Variants in TG observed in about 807,000 individuals in gnomAD.
TG encodes the protein thyroid hormones.
Under a neutral mutation model 324.7 loss-of-function variants are expected in TG, and 270 were observed. That is an observed-to-expected ratio of 0.83 (90% CI 0.75 to 0.92). The LOEUF is 0.92. TG is among the 40% of genes least tolerant of loss of function. The pLI, the probability that TG is intolerant of heterozygous loss-of-function variation, is 0.00. For synonymous variants in TG, 1,401 were observed against 1,327.0 expected, an observed-to-expected ratio of 1.06 and a Z score of -1.21; for missense variants, 3,591 against 3,456.4, an observed-to-expected ratio of 1.04 and a Z score of -0.98.
At chr8:133,053,305 C>T (rs961773117) in intron 41 of TG, among the ~76,000 whole-genome samples, 17 of 152,348 alleles carry the variant, frequency 1.1e-4, no homozygotes, top group East Asian at 3.9e-4. Flanking sequence ...TCCCCACCCC[C>T]GGCTGTGAGT....
rs1324402367 is a variant in TG, at chr8:133,050,316, G to T, written c.7239+20293G>T. ...TTACTATGTTGATTTATGCTCTGCA[G>T]TATAGCCAAAGATAGTTTCATATAT... On this transcript the variant is annotated intron_variant, in intron 41 of 47. Transcript: ENST00000220616. 6 of 362,396 alleles carry T rather than the reference G, an allele frequency of 1.7e-5. No individual in the cohort carries two copies. In the East Asian group the frequency reaches 3.2e-4, roughly 20 times the overall value. The allele number at this position is 362,396 out of a possible 1,614,324, so 22.4% of individuals were successfully genotyped here.
intron 37 of TG, among the ~76,000 whole-genome samples, chr8:133,016,343 C>T (rs1835025611): frequency 6.6e-6 from 1 of 152,182 alleles, no homozygotes; most frequent in Non-Finnish European, 1.5e-5. Flanking sequence ...GGATGTCTAA[C>T]AACAGCCCTT....
rs1815494109 is a variant in TG, at chr8:132,886,842, C to CAAA, written c.1471_1472insAAA (p.Gly490_Thr491insLys). The CAAA allele has an allele frequency of 1.2e-6, 2 of 1,614,142 alleles. No individual in the cohort carries two copies. Among genetic ancestry groups the CAAA allele is most frequent in the Non-Finnish European group, 1.7e-6 (2 of 1,180,036 alleles). ...AGTTTAACTTGTCTGGAGCCCTTGGCACAAGAGGCACATTTAACTTCAGTC... is the reference window on the plus strand; with the variant it reads ...AGTTTAACTTGTCTGGAGCCCTTGGCAAAACAAGAGGCACATTTAACTTCAGTC... On this transcript the variant is annotated inframe_insertion, in exon 9 of 48. Coordinates refer to ENST00000220616, the MANE Select transcript of TG (RefSeq NM_003235.5).
At chr8:133,062,317 C>T (rs1842479590) in intron 41 of TG, among the ~76,000 whole-genome samples, 1 of 152,214 alleles carries the variant, frequency 6.6e-6, no homozygotes, top group South Asian at 2.1e-4. Context: ...CACCTGCAGT[C>T]CAGGAGGGCA....
Position 132,878,710 on chromosome 8 carries a change from C to T in TG, c.639-3153C>T, listed in dbSNP as rs371365416. On this transcript the variant is annotated intron_variant, in intron 5 of 47. Transcript: ENST00000220616. The stretch of plus-strand genomic sequence containing the variant: ...CATTCTCTACCAGACTTGTACCTCC[C>T]TCGGTGACTACCAATATCTCAGTTT... Among the ~76,000 whole-genome samples, 31 of 152,318 alleles carry T rather than the reference C, an allele frequency of 2.0e-4. No individual in the cohort carries two copies. In the South Asian group the frequency reaches 5.8e-3, roughly 29 times the overall value.
chr8:132,891,738 C>A (rs1050620799), intron 10 of TG, among the ~76,000 whole-genome samples: 1 of 152,160 alleles, frequency 6.6e-6, no homozygotes, highest in African/African-American at 2.4e-5. Context: ...GTTTTTGCTT[C>A]GGACATTCAA....
chr8:132,938,993 A>G (rs1315386321), intron 25 of TG, among the ~76,000 whole-genome samples: 3 of 146,070 alleles, frequency 2.1e-5, no homozygotes, highest in African/African-American at 7.7e-5. Flanking sequence ...TGGAGCTTGC[A>G]GTGAGCCGAG....
chr8:133,058,158 T>C (rs772250432), intron 41 of TG, among the ~76,000 whole-genome samples: 1 of 152,186 alleles, frequency 6.6e-6, no homozygotes, highest in Non-Finnish European at 1.5e-5. Context: ...ACGGCATCAC[T>C]GCACCGCCTT....
intron 41 of TG, among the ~76,000 whole-genome samples, chr8:133,081,765 G>A (rs1189611182): frequency 6.6e-6 from 1 of 152,194 alleles, no homozygotes; most frequent in Non-Finnish European, 1.5e-5. Context: ...GAGGTCAGCA[G>A]TGTTCCCAGA....
At chr8:132,921,735 T>C (rs1247136916) in intron 21 of TG, among the ~76,000 whole-genome samples, 1 of 152,260 alleles carries the variant, frequency 6.6e-6, no homozygotes, top group Non-Finnish European at 1.5e-5. Flanking sequence ...GAGGTTCTGC[T>C]GATAACTCTT....
intron 26 of TG, among the ~76,000 whole-genome samples, chr8:132,944,243 C>G (rs562071753): frequency 6.6e-6 from 1 of 152,244 alleles, no homozygotes; most frequent in South Asian, 2.1e-4. Context: ...TATTCCATCC[C>G]TGTCACCTCA....
chr8:132,907,293 GC>G, intron 17 of TG, among the ~76,000 whole-genome samples: 1 of 152,222 alleles, frequency 6.6e-6, no homozygotes, highest in East Asian at 1.9e-4. Context: ...GAGTGACCCT[GC>G]CCCATCAGCC....
In TG at chr8:133,017,864, C is replaced by G; in HGVS notation, c.6649C>G (p.Gln2217Glu). 1 of 1,614,212 alleles carries G rather than the reference C, an allele frequency of 6.2e-7. No individual in the cohort carries two copies. The highest frequency in any genetic ancestry group is 8.5e-7 in the Non-Finnish European group (1 of 1,180,044). The change falls in exon 38 of 48, where the codon CAG (glutamine) becomes GAG (glutamate). Residue 2217 changes from glutamine (Q) to glutamate (E), a missense_variant. Physicochemically the swap from Gln to Glu is conservative, Grantham distance 29. Coordinates refer to ENST00000220616, the MANE Select transcript of TG (RefSeq NM_003235.5). ...GRLLGRSQAI[Q>E]VGTSWKQVDQ... ...GCTGCTGGGCAGGTCCCAGGCCATC[C>G]AGGTGGGTACCTCATGGAAGCAAGT...
chr8:133,081,891 CA>C (rs1845809079), intron 41 of TG, among the ~76,000 whole-genome samples: 1 of 152,200 alleles, frequency 6.6e-6, no homozygotes, highest in African/African-American at 2.4e-5. Context: ...CGGATTGTCA[CA>C]CAGGCCCCAC....
chr8:132,925,437 A>C (rs968726205), intron 22 of TG, among the ~76,000 whole-genome samples: 1 of 152,040 alleles, frequency 6.6e-6, no homozygotes, highest in Non-Finnish European at 1.5e-5. Flanking sequence ...TGAAAATCCA[A>C]GTGAGAAATT....
Position 133,038,666 on chromosome 8 carries a change from C to T in TG, c.7239+8643C>T, listed in dbSNP as rs756835209. The T allele has an allele frequency of 1.1e-5, 18 of 1,614,002 alleles. No individual in the cohort carries two copies. Among genetic ancestry groups the T allele is most frequent in the East Asian group, 6.7e-5 (3 of 44,856 alleles). On this transcript the variant is annotated intron_variant, in intron 41 of 47. Transcript: ENST00000220616. Reference sequence around the variant, plus strand: ...GGACAGGTAAGAGGCAATGCTCTCTCGAAGGCCATAGCTGAAAAGGGACTC... The same window carrying T: ...GGACAGGTAAGAGGCAATGCTCTCTTGAAGGCCATAGCTGAAAAGGGACTC...
At chr8:133,134,602 G>A (rs1852211676) in intron 47 of TG, 74 bp from the exon 48 acceptor site, 1 of 1,374,410 alleles carries the variant, frequency 7.3e-7, no homozygotes, top group South Asian at 1.2e-5. Flanking sequence ...GGTCTCTTTG[G>A]GACAAAAGGA....
chr8:133,125,715 T>C (rs946774357), intron 45 of TG, among the ~76,000 whole-genome samples: 1 of 152,152 alleles, frequency 6.6e-6, no homozygotes, highest in African/African-American at 2.4e-5. Flanking sequence ...CCATGGAAAT[T>C]CATCATGAGG....
intron 22 of TG, 89 bp from the exon 23 acceptor site, chr8:132,928,987 T>C (rs1822289304): frequency 1.9e-6 from 2 of 1,058,786 alleles, no homozygotes; most frequent in Non-Finnish European, 2.9e-6. Context: ...GAATGGGTAT[T>C]GACTGCTTGA....
Sources: gnomAD v4.1 joint callset for allele counts (sites outside exome capture counted in the v4.1 genomes callset) on GRCh38, gnomAD v4.1.1 for gene constraint, MANE v1.5 for transcripts, NCBI Gene and HGNC (gene_info 2026-07-23, HGNC 2026-07-21) for gene names.